PPP2R2C: variants seen among roughly 807,000 people sequenced by gnomAD.
PPP2R2C encodes protein phosphatase 2, regulatory subunit B, gamma.
Under a neutral mutation model 45.3 loss-of-function variants are expected in PPP2R2C, and 10 were observed. That is an observed-to-expected ratio of 0.22 (90% CI 0.14 to 0.37). PPP2R2C has a LOEUF of 0.37. PPP2R2C is among the 10% of genes least tolerant of loss of function. PPP2R2C has a pLI of 1.00. For synonymous variants in PPP2R2C, 257 were observed against 245.4 expected (o/e 1.05, Z -0.44); for missense variants, 308 against 619.7 (o/e 0.50, Z 5.34).
chr4:6,533,487 G>C (rs919597837), intron 2 of PPP2R2C, among the ~76,000 whole-genome samples: 2 of 152,168 alleles, frequency 1.3e-5, no homozygotes, highest in African/African-American at 4.8e-5. Flanking sequence ...GCCAGGGCCT[G>C]GTACCCACAG....
intron 1 of PPP2R2C, among the ~76,000 whole-genome samples, chr4:6,403,537 A>C (rs1435171394): frequency 1.3e-5 from 2 of 152,206 alleles, no homozygotes; most frequent in African/African-American, 4.8e-5. Flanking sequence ...CCCTGGGAGC[A>C]CGCTGGCAGA....
chr4:6,502,186 G>A (rs527649565), intron 2 of PPP2R2C, among the ~76,000 whole-genome samples: 1 of 152,340 alleles, frequency 6.6e-6, no homozygotes, highest in African/African-American at 2.4e-5. Context: ...CCCTCAGGGT[G>A]GGGTAAATGA....
chr4:6,390,829 T>G (rs1174475309), intron 1 of PPP2R2C, among the ~76,000 whole-genome samples: 1 of 152,128 alleles, frequency 6.6e-6, no homozygotes, highest in African/African-American at 2.4e-5. Context: ...CGCCCGGCAG[T>G]GATGATCACC....
At chr4:6,337,400 C>G (rs1013822108) in intron 6 of PPP2R2C, among the ~76,000 whole-genome samples, 1 of 151,882 alleles carries the variant, frequency 6.6e-6, no homozygotes, top group African/African-American at 2.4e-5. Flanking sequence ...TCAGCGGGAC[C>G]TGGTGGCCCC....
At chr4:6,418,166 G>A (rs1010287484) in intron 1 of PPP2R2C, among the ~76,000 whole-genome samples, 1 of 152,140 alleles carries the variant, frequency 6.6e-6, no homozygotes, top group African/African-American at 2.4e-5. Context: ...GAAGGATGTG[G>A]GCAAGTGGAC....
chr4:6,448,890 C>A (rs540684307), intron 1 of PPP2R2C, among the ~76,000 whole-genome samples: 3 of 152,208 alleles, frequency 2.0e-5, no homozygotes, highest in Non-Finnish European at 4.4e-5. Flanking sequence ...CGGGGGCTGA[C>A]CCCAGCAGGT....
intron 1 of PPP2R2C, among the ~76,000 whole-genome samples, chr4:6,536,241 G>A (rs79657227): frequency 0.013 from 2,053 of 152,310 alleles, 54 homozygotes; most frequent in African/African-American, 0.047. Flanking sequence ...AGTTTTATGG[G>A]TAACTTCAAA....
At chr4:6,363,087 G>GCAATGGCT (rs1467004910) in intron 5 of PPP2R2C, among the ~76,000 whole-genome samples, 1 of 152,160 alleles carries the variant, frequency 6.6e-6, no homozygotes, top group Admixed American at 6.5e-5. Context: ...TGACCTCGAC[G>GCAATGGCT]CAATGGCTCA....
chr4:6,384,347 G>A (rs571769010), intron 1 of PPP2R2C: 53 of 985,362 alleles, frequency 5.4e-5, no homozygotes, highest in Admixed American at 6.1e-5. Flanking sequence ...CAAAGAAACT[G>A]GGCAGTGGGG....
upstream of PPP2R2C, among the ~76,000 whole-genome samples, chr4:6,473,356 G>A (rs138782846): frequency 3.5e-4 from 54 of 152,192 alleles, no homozygotes; most frequent in East Asian, 6.0e-3. Flanking sequence ...TAATCAGCCT[G>A]GCACATAGTG....
chr4:6,541,779 C>T (rs1724810071), intron 1 of PPP2R2C, among the ~76,000 whole-genome samples: 1 of 152,202 alleles, frequency 6.6e-6, no homozygotes, highest in African/African-American at 2.4e-5. Context: ...ATCCACCCAC[C>T]TTGGCCTCCC....
At chr4:6,326,532 G>C (rs371678900) in intron 8 of PPP2R2C, among the ~76,000 whole-genome samples, 4 of 152,162 alleles carry the variant, frequency 2.6e-5, no homozygotes, top group African/African-American at 4.8e-5. Context: ...AGGTAACCTG[G>C]GGAAGGGCAG....
Position 6,459,043 on chromosome 4 carries a change from C to T in PPP2R2C, c.70+13117G>A, listed in dbSNP as rs12644059. On this transcript the variant is annotated intron_variant, in intron 1 of 8. Transcript: ENST00000382599. ...TCAATGTCAGGAATCCATGACTCTT[C>T]CAGTTACCCACTGCTGTGTAACAAA... Among the ~76,000 whole-genome samples, 213 of 152,296 alleles carry T rather than the reference C, an allele frequency of 1.4e-3. 5 individuals carry two copies. The East Asian group carries it at 0.037, about 26-fold the overall frequency.
At chr4:6,374,788 G>C (rs546908986) in intron 4 of PPP2R2C, among the ~76,000 whole-genome samples, 2 of 152,168 alleles carry the variant, frequency 1.3e-5, no homozygotes, top group African/African-American at 4.8e-5. Context: ...GGGCTAGCCC[G>C]GGGCCTAGCG....
rs536745357 is a variant in PPP2R2C, at chr4:6,467,313, T to G, written c.70+4847A>C. On this transcript the variant is annotated intron_variant, in intron 1 of 8. Transcript: ENST00000382599. ...GTGGAAGTTAGGCTAGCCAGTCTGA[T>G]GACAGTTCTAAGGGCTAGTCTAACT... 9.9e-5 allele frequency among the ~76,000 whole-genome samples: 15 copies of G among 152,280 alleles called. No homozygotes were observed. The East Asian group carries it at 2.7e-3, about 27-fold the overall frequency.
chr4:6,394,976 C>T (rs193229158), intron 1 of PPP2R2C, among the ~76,000 whole-genome samples: 1 of 152,262 alleles, frequency 6.6e-6, no homozygotes, highest in Admixed American at 6.5e-5. Flanking sequence ...TCACAGTTGG[C>T]AGAGCCAGCA....
intron 1 of PPP2R2C, among the ~76,000 whole-genome samples, chr4:6,432,161 C>T (rs538985342): frequency 6.6e-6 from 1 of 152,336 alleles, no homozygotes; most frequent in African/African-American, 2.4e-5. Context: ...TCTGGCTACT[C>T]AGTCCCTCCC....
At chr4:6,562,172 G>T (rs1435446160) in intron 1 of PPP2R2C, among the ~76,000 whole-genome samples, 1 of 152,160 alleles carries the variant, frequency 6.6e-6, no homozygotes, top group African/African-American at 2.4e-5. Flanking sequence ...GAGTGCGGGG[G>T]ACAATGAGAC....
At chr4:6,436,434 C>T (rs1165404564) in intron 1 of PPP2R2C, among the ~76,000 whole-genome samples, 1 of 152,230 alleles carries the variant, frequency 6.6e-6, no homozygotes, top group African/African-American at 2.4e-5. Context: ...ACCTTTACTG[C>T]ACTTCCCCAC....
Sources: allele counts gnomAD v4.1 joint callset (sites outside exome capture counted in the v4.1 genomes callset), GRCh38; gene constraint gnomAD v4.1.1; transcripts MANE v1.5; gene names NCBI Gene and HGNC (gene_info 2026-07-23, HGNC 2026-07-21).